The following GNL3L variants were observed in gnomAD, a reference collection of about 807,000 sequenced individuals.
The protein encoded by GNL3L is G protein nucleolar 3 like.
GNL3L carries 4 observed loss-of-function variants against 42.9 expected under a neutral mutation model. The observed-to-expected ratio is 0.09, with a 90% CI of 0.05 to 0.21. The LOEUF is 0.21. GNL3L is among the 10% of genes least tolerant of loss of function. GNL3L has a pLI of 1.00. For missense variants in GNL3L, 412 were observed against 481.7 expected (o/e 0.86, Z 1.36); for synonymous variants, 159 against 176.3 (o/e 0.90, Z 0.78).
chrX:54,606,642 A>AT (rs61119934), intron 16 of GNL3L, among the ~76,000 whole-genome samples: 130 of 98,286 alleles, frequency 1.3e-3, no homozygotes, highest in East Asian at 6.2e-3. Flanking sequence ...TGCCAGGCCA[A>AT]TTTTTTTTTT....
At position 54,540,255 on chromosome X, in the gene GNL3L, C is replaced by A; in HGVS notation, c.189+13C>A. ...AAAGAAGAAGTGGGTAAGCTTTTTG[C>A]CTTGGTGGGGAGAGAGAGGGCCTGC... On this transcript the variant is annotated intron_variant, in intron 4 of 15. Coordinates refer to ENST00000360845, the MANE Select transcript of GNL3L (RefSeq NM_001184819.2). The A allele has an allele frequency of 1.5e-5, 16 of 1,079,700 alleles. No homozygotes were observed. The highest frequency in any genetic ancestry group is 2.1e-5 in the Non-Finnish European group (16 of 776,842). 89.0% of individuals were successfully genotyped at this position (1,079,700 alleles called of 1,213,427 possible).
At chrX:54,550,228 G>GAA (rs2147486298) in intron 9 of GNL3L, among the ~76,000 whole-genome samples, 1 of 108,481 alleles carries the variant, frequency 9.2e-6, no homozygotes, top group Admixed American at 1.0e-4. Flanking sequence ...GAGAGAGAGA[G>GAA]AGAGAGATGT....
intron 16 of GNL3L, among the ~76,000 whole-genome samples, chrX:54,589,007 A>T (rs986919877): frequency 4.6e-5 from 5 of 108,985 alleles, no homozygotes; most frequent in Non-Finnish European, 9.5e-5. Flanking sequence ...TTTGATACTG[A>T]TTTTTTCTTT....
At chrX:54,627,015 A>AT in the GNL3L span, among the ~76,000 whole-genome samples, 75 of 105,000 alleles carry the variant, frequency 7.1e-4, no homozygotes, top group African/African-American at 2.2e-3. Flanking sequence ...AAACTTTTCA[A>AT]TTTTTTTTTT....
chrX:54,608,976 G>A (rs1926132605), intron 16 of GNL3L, among the ~76,000 whole-genome samples: 2 of 111,921 alleles, frequency 1.8e-5, no homozygotes. Flanking sequence ...CATCAGCAGT[G>A]TAGAAGTGTT....
intron 14 of GNL3L, among the ~76,000 whole-genome samples, chrX:54,555,885 G>A (rs908762259): frequency 2.7e-5 from 3 of 109,610 alleles, no homozygotes; most frequent in African/African-American, 1.0e-4. Flanking sequence ...TATACCTGTG[G>A]CCTGCTATTG....
At chrX:54,601,408 C>A (rs1054619427) in intron 16 of GNL3L, among the ~76,000 whole-genome samples, 10 of 111,627 alleles carry the variant, frequency 9.0e-5, no homozygotes, top group Non-Finnish European at 1.5e-4. Context: ...ACCCAGAGAA[C>A]TTAACACGCT....
chrX:54,569,516 C>T (rs1925514750), downstream of GNL3L, among the ~76,000 whole-genome samples: 1 of 111,709 alleles, frequency 9.0e-6, no homozygotes. Flanking sequence ...ATTGTTAAAA[C>T]GATTCTAAAA....
chrX:54,609,538 T>A (rs920930421), intron 16 of GNL3L, among the ~76,000 whole-genome samples: 4 of 112,443 alleles, frequency 3.6e-5, no homozygotes, highest in African/African-American at 6.5e-5. Context: ...AGGTGAGAGA[T>A]GAGGATCCAG....
chrX:54,582,755 G>T (rs777245373), intron 16 of GNL3L, among the ~76,000 whole-genome samples: 1 of 111,345 alleles, frequency 9.0e-6, no homozygotes, highest in Non-Finnish European at 1.9e-5. Context: ...GCTAATTTTC[G>T]TATTTTTAGT....
At chrX:54,620,186 T>A (rs969635103) in intron 16 of GNL3L, among the ~76,000 whole-genome samples, 1 of 111,085 alleles carries the variant, frequency 9.0e-6, no homozygotes, top group African/African-American at 3.3e-5. Context: ...TAGACCATAG[T>A]TACCCTGGTG....
At chrX:54,605,755 C>T (rs1926052704) in intron 16 of GNL3L, among the ~76,000 whole-genome samples, 1 of 111,133 alleles carries the variant, frequency 9.0e-6, no homozygotes, top group African/African-American at 3.3e-5. Context: ...TCTTTGCTCG[C>T]GTTCTTCTCT....
At chrX:54,537,500 C>G (rs1414819128) in intron 2 of GNL3L, among the ~76,000 whole-genome samples, 4 of 111,936 alleles carry the variant, frequency 3.6e-5, no homozygotes, top group African/African-American at 6.5e-5. Context: ...TCCATTTTTT[C>G]TTTTATATTT....
At chrX:54,554,083 G>A (rs1042255647) in intron 13 of GNL3L, among the ~76,000 whole-genome samples, 1 of 110,969 alleles carries the variant, frequency 9.0e-6, no homozygotes, top group South Asian at 3.8e-4. Context: ...TTAGAAGGCC[G>A]AGGGTAGGGA....
intron 16 of GNL3L, among the ~76,000 whole-genome samples, chrX:54,607,472 T>C (rs1466789912): frequency 2.8e-5 from 3 of 108,409 alleles, no homozygotes; most frequent in Non-Finnish European, 5.7e-5. Flanking sequence ...TGCCTTGGAA[T>C]AATAGCTGAT....
Position 54,551,821 on chromosome X carries a change from C to T in GNL3L, c.1039-11C>T. ...CCTCCTCATGACTTCTCTCCTTCCT[C>T]CCTTCACCAGATTTCCAACTATTAT... is the stretch of plus-strand genomic sequence containing the variant. On this transcript the variant is annotated splice_polypyrimidine_tract_variant and intron_variant, in intron 11 of 15. Transcript: ENST00000360845. The T allele has an allele frequency of 1.7e-6, 2 of 1,211,755 alleles. No homozygotes were observed. The highest frequency in any genetic ancestry group is 5.9e-5 in the East Asian group (2 of 33,851).
chrX:54,622,613 A>C (rs1475030482), downstream of GNL3L, among the ~76,000 whole-genome samples: 1 of 110,449 alleles, frequency 9.1e-6, no homozygotes, highest in East Asian at 2.8e-4. Context: ...AATATTATGA[A>C]TATTAAACAC....
the GNL3L span, among the ~76,000 whole-genome samples, chrX:54,634,474 A>AT: frequency 7.8e-5 from 8 of 102,325 alleles, no homozygotes; most frequent in African/African-American, 2.1e-4. Flanking sequence ...GCTAATTTGT[A>AT]TTTTTTTTTG....
At chrX:54,605,866 G>A (rs1029705422) in intron 16 of GNL3L, among the ~76,000 whole-genome samples, 17 of 111,431 alleles carry the variant, frequency 1.5e-4, no homozygotes, top group Non-Finnish European at 3.2e-4. Context: ...CTTAGGACAT[G>A]TTTCTGGGCC....
Sources: allele counts gnomAD v4.1 joint callset (sites outside exome capture counted in the v4.1 genomes callset), GRCh38; gene constraint gnomAD v4.1.1; transcripts MANE v1.5; gene names NCBI Gene and HGNC (gene_info 2026-07-23, HGNC 2026-07-21).